FBXL20: variants seen among roughly 807,000 people sequenced by gnomAD.
FBXL20 encodes F-box and leucine rich repeat protein 20.
A neutral mutation model predicts 64.0 loss-of-function variants in FBXL20; 11 were observed. That is an observed-to-expected ratio of 0.17 (90% CI 0.11 to 0.28). The LOEUF (loss-of-function observed/expected upper bound fraction) is 0.28. FBXL20 is among the 10% of genes least tolerant of loss of function. The pLI is 1.00. For missense variants in FBXL20, 303 were observed against 526.2 expected, an observed-to-expected ratio of 0.58 and a Z score of 4.15; for synonymous variants, 184 against 189.0, an observed-to-expected ratio of 0.97 and a Z score of 0.22.
At chr17:39,326,629 T>G (rs943611579) in intron 2 of FBXL20, among the ~76,000 whole-genome samples, 3 of 151,048 alleles carry the variant, frequency 2.0e-5, no homozygotes. Context: ...TTAAAAAAAA[T>G]TTTTTAGAGA....
chr17:39,315,070 T>C (rs909689205), intron 2 of FBXL20, among the ~76,000 whole-genome samples: 3 of 152,014 alleles, frequency 2.0e-5, no homozygotes, highest in Admixed American at 1.3e-4. Flanking sequence ...GTACTGGGAT[T>C]ACAGGGTTGG....
At chr17:39,311,974 C>T (rs1236949989) in intron 2 of FBXL20, among the ~76,000 whole-genome samples, 4 of 152,124 alleles carry the variant, frequency 2.6e-5, no homozygotes, top group Admixed American at 2.0e-4. Context: ...CACATCTCAA[C>T]AATCCTAATT....
At chr17:39,349,860 C>T (rs545033934) in intron 1 of FBXL20, among the ~76,000 whole-genome samples, 30 of 151,322 alleles carry the variant, frequency 2.0e-4, no homozygotes, top group African/African-American at 6.1e-4. Context: ...GGCATGAACC[C>T]GGGAGGCGGA....
intron 2 of FBXL20, among the ~76,000 whole-genome samples, chr17:39,333,434 C>T (rs1171280212): frequency 2.0e-5 from 3 of 152,222 alleles, no homozygotes; most frequent in Admixed American, 6.5e-5. Flanking sequence ...GACAGAGTGT[C>T]GCTCATTCAG....
chr17:39,341,397 T>C (rs1174967114), intron 2 of FBXL20, among the ~76,000 whole-genome samples: 1 of 152,210 alleles, frequency 6.6e-6, no homozygotes, highest in African/African-American at 2.4e-5. Context: ...AATGTTGCTA[T>C]AGATAAAATA....
Position 39,259,069 on chromosome 17 carries a change from C to G in FBXL20, c.*2391G>C, listed in dbSNP as rs2046721742. 2.0e-5 allele frequency: 3 copies of G among 152,112 alleles called. No homozygotes were observed. In the South Asian group the frequency reaches 6.2e-4, roughly 32 times the overall value. 9.4% of individuals were successfully genotyped at this position (152,112 alleles called of 1,614,324 possible). A position where few individuals can be genotyped will look rare whatever the true frequency, so the allele number is the denominator to read the frequency against. ...GATAAATATTAATGGATAGTATAGA[C>G]TTCTAAGACCCTTTCATCCAATTGC... On this transcript the variant is annotated 3_prime_UTR_variant, in exon 15 of 15. Coordinates refer to ENST00000264658, the MANE Select transcript of FBXL20 (RefSeq NM_032875.3).
intron 1 of FBXL20, among the ~76,000 whole-genome samples, chr17:39,355,208 A>T (rs375429653): frequency 8.5e-5 from 13 of 152,064 alleles, no homozygotes; most frequent in East Asian, 5.9e-4. Context: ...CTGGGATTAC[A>T]GGTGTGAGCC....
intron 1 of FBXL20, among the ~76,000 whole-genome samples, chr17:39,393,658 TA>T (rs770315615): frequency 2.6e-5 from 4 of 152,210 alleles, no homozygotes; most frequent in Admixed American, 6.6e-5. Flanking sequence ...ATAAGAGGCT[TA>T]TTAAAAGAGT....
At chr17:39,295,150 T>C (rs955508234) in intron 6 of FBXL20, among the ~76,000 whole-genome samples, 1 of 152,180 alleles carries the variant, frequency 6.6e-6, no homozygotes, top group African/African-American at 2.4e-5. Context: ...CAGTTAAAGC[T>C]GGGTGATGGG....
At chr17:39,372,225 A>G (rs940337750) in intron 1 of FBXL20, among the ~76,000 whole-genome samples, 3 of 152,104 alleles carry the variant, frequency 2.0e-5, no homozygotes, top group Non-Finnish European at 4.4e-5. Flanking sequence ...TTGCTGTCTT[A>G]AAACCAAAAA....
chr17:39,259,372 A>G lies in FBXL20; in HGVS notation c.*2088T>C, dbSNP rs1241055009. 1 of 152,168 alleles carries G rather than the reference A, an allele frequency of 6.6e-6. No individual in the cohort carries two copies. The highest frequency in any genetic ancestry group is 1.5e-5 in the Non-Finnish European group (1 of 68,024). 9.4% of individuals were successfully genotyped at this position (152,168 alleles called of 1,614,324 possible). A position where few individuals can be genotyped will look rare whatever the true frequency, so the allele number is the denominator to read the frequency against. Reference sequence around the variant, plus strand: ...AGTCTGGATCATATAGAAGATTAATATTATGATGGATTGCACATTAATGTC... The same window carrying G: ...AGTCTGGATCATATAGAAGATTAATGTTATGATGGATTGCACATTAATGTC... On this transcript the variant is annotated 3_prime_UTR_variant, in exon 15 of 15. Transcript: ENST00000264658.
chr17:39,295,173 T>G (rs2047073461), intron 6 of FBXL20, among the ~76,000 whole-genome samples: 1 of 152,130 alleles, frequency 6.6e-6, no homozygotes, highest in East Asian at 1.9e-4. Flanking sequence ...CATTACACGT[T>G]TTTGTCTACT....
chr17:39,324,161 T>C lies in FBXL20; in HGVS notation c.104+19019A>G, dbSNP rs946166641. Among the ~76,000 whole-genome samples the C allele has an allele frequency of 1.3e-4, 20 of 149,840 alleles. 1 individual carries two copies. The highest frequency in any genetic ancestry group is 5.1e-4 in the African/African-American group (20 of 39,184). ...TCACCGTGTACTAAAGAACGGCTCA[T>C]GAATCAACTGCATCAGTATACCTGG... On this transcript the variant is annotated intron_variant, in intron 2 of 14. Coordinates refer to ENST00000264658, the MANE Select transcript of FBXL20 (RefSeq NM_032875.3).
In FBXL20 at chr17:39,382,914, T is replaced by C. The variant is rs1212735444; in HGVS notation, c.42+18447A>G. On this transcript the variant is annotated intron_variant, in intron 1 of 14. Coordinates refer to ENST00000264658, the MANE Select transcript of FBXL20 (RefSeq NM_032875.3). Reference sequence around the variant, plus strand: ...GCTCACGCCTGTAGTCCCAGCACTTTGTGAGGCCGAAGTGGGCAGATCACA... The same window carrying C: ...GCTCACGCCTGTAGTCCCAGCACTTCGTGAGGCCGAAGTGGGCAGATCACA... Among the ~76,000 whole-genome samples, 2 of 151,986 alleles carry C rather than the reference T, an allele frequency of 1.3e-5. 1 individual carries two copies. Among genetic ancestry groups the C allele is most frequent in the Admixed American group, 1.3e-4 (2 of 15,244 alleles).
intron 1 of FBXL20, among the ~76,000 whole-genome samples, chr17:39,393,787 ATTTAC>A (rs2048157465): frequency 6.6e-6 from 1 of 152,168 alleles, no homozygotes; most frequent in African/African-American, 2.4e-5. Flanking sequence ...CAATAAAATC[ATTTAC>A]TTTAAGAGAA....
chr17:39,394,179 C>A (rs1218681688), intron 1 of FBXL20, among the ~76,000 whole-genome samples: 1 of 152,120 alleles, frequency 6.6e-6, no homozygotes, highest in Non-Finnish European at 1.5e-5. Flanking sequence ...TCTTTCTTCT[C>A]CCTCCCTCCT....
intron 1 of FBXL20, among the ~76,000 whole-genome samples, chr17:39,349,935 CAAA>C (rs35010353): frequency 4.5e-5 from 5 of 110,940 alleles, no homozygotes; most frequent in African/African-American, 3.0e-5. Flanking sequence ...GACTCCGTCT[CAAA>C]AAAAAAAAAA....
At chr17:39,288,993 G>A (rs777084033) in intron 6 of FBXL20, among the ~76,000 whole-genome samples, 3 of 152,118 alleles carry the variant, frequency 2.0e-5, no homozygotes, top group Admixed American at 6.6e-5. Flanking sequence ...GTGAGCCACC[G>A]TGCCTGGCAG....
chr17:39,285,565 G>A lies in FBXL20; in HGVS notation c.407C>T (p.Thr136Ile), dbSNP rs746190828. 6.3e-7 allele frequency: 1 copy of A among 1,592,468 alleles called. No individual in the cohort carries two copies. The highest frequency in any genetic ancestry group is 8.5e-7 in the Non-Finnish European group (1 of 1,170,220). Residue 136 changes from threonine to isoleucine, a missense_variant, in exon 7 of 15, where the codon ACT becomes ATT. Transcript: ENST00000264658. ...GCTKTTDATC[T>I]SLSKFCSKLR... ...TTTGGAACAGAACTTGCTAAGGCTA[G>A]TACATGTACTGAAAAATGGAAAAAG...
Sources: allele counts gnomAD v4.1 joint callset (sites outside exome capture counted in the v4.1 genomes callset), GRCh38; gene constraint gnomAD v4.1.1; transcripts MANE v1.5; gene names NCBI Gene and HGNC (gene_info 2026-07-23, HGNC 2026-07-21).